Variants in PLPP4 observed in about 807,000 individuals in gnomAD.
PLPP4 encodes diacylglycerol pyrophosphate like 2.
PLPP4 carries 20 observed loss-of-function variants against 32.2 expected under a neutral mutation model. That is an observed-to-expected ratio of 0.62 (90% CI 0.44 to 0.90). The LOEUF (loss-of-function observed/expected upper bound fraction) is 0.90. Ranked by LOEUF, PLPP4 falls within the 40% of genes least tolerant of loss-of-function variation. The pLI is 0.00. For missense variants in PLPP4, 257 were observed against 353.1 expected (o/e 0.73, Z 2.18); for synonymous variants, 127 against 133.0 (o/e 0.95, Z 0.31).
chr10:120,525,068 C>A (rs767493810), intron 5 of PLPP4, among the ~76,000 whole-genome samples: 16 of 152,190 alleles, frequency 1.1e-4, no homozygotes, highest in Admixed American at 5.2e-4. Flanking sequence ...TGGACCAAGT[C>A]CAGTGGCTGC....
intron 1 of PLPP4, among the ~76,000 whole-genome samples, chr10:120,495,776 G>C (rs892491709): frequency 2.6e-5 from 4 of 152,130 alleles, no homozygotes; most frequent in Non-Finnish European, 5.9e-5. Flanking sequence ...CTACCCTCGG[G>C]TGGGGCTTAA....
In PLPP4 at chr10:120,589,416, C is replaced by T; in HGVS notation, c.730C>T (p.Pro244Ser). ...CHKPYVSLRV[P>S]ASLKKEERPT... ...TAAACCCTACGTTAGTCTGCGAGTCCCAGCCTCACTGAAGAAAGAGGAGAG... is the reference window on the plus strand; with the variant it reads ...TAAACCCTACGTTAGTCTGCGAGTCTCAGCCTCACTGAAGAAAGAGGAGAG... Residue 244 changes from proline to serine, a missense_variant, in exon 7 of 7, where the codon CCA becomes TCA. Pro to Ser is a moderately conservative substitution (Grantham distance 74). Transcript: ENST00000398250. 1 of 1,614,148 alleles carries T rather than the reference C, an allele frequency of 6.2e-7. No individual in the cohort carries two copies. The highest frequency in any genetic ancestry group is 8.5e-7 in the Non-Finnish European group (1 of 1,180,034).
intron 5 of PLPP4, among the ~76,000 whole-genome samples, chr10:120,569,273 G>T (rs941012162): frequency 5.3e-5 from 8 of 150,862 alleles, no homozygotes; most frequent in African/African-American, 1.9e-4. Context: ...CTCCTCTGCT[G>T]CTACTTTCCC....
chr10:120,472,583 A>G (rs6585631), intron 1 of PLPP4, among the ~76,000 whole-genome samples: 97,753 of 151,876 alleles, frequency 0.64, 34,350 homozygotes, highest in Admixed American at 0.78. Flanking sequence ...TATTTTTCCC[A>G]TTTCTTTTCA....
chr10:120,508,685 A>G (rs577707528), intron 2 of PLPP4, among the ~76,000 whole-genome samples: 31 of 152,170 alleles, frequency 2.0e-4, no homozygotes, highest in African/African-American at 7.2e-4. Context: ...GTGTTGATTC[A>G]TGGGTGGATG....
intron 1 of PLPP4, among the ~76,000 whole-genome samples, chr10:120,478,962 C>T (rs1476801542): frequency 2.0e-5 from 3 of 152,220 alleles, no homozygotes; most frequent in Non-Finnish European, 2.9e-5. Context: ...CGCAGTGGCT[C>T]ACGCCTGTAA....
intron 5 of PLPP4, among the ~76,000 whole-genome samples, chr10:120,560,194 G>A (rs1303616344): frequency 6.6e-6 from 1 of 152,166 alleles, no homozygotes; most frequent in Non-Finnish European, 1.5e-5. Flanking sequence ...TGCTGGAAGT[G>A]CTCCCGAGAA....
intron 5 of PLPP4, among the ~76,000 whole-genome samples, chr10:120,562,005 G>T (rs1848459247): frequency 6.6e-6 from 1 of 152,164 alleles, no homozygotes; most frequent in South Asian, 2.1e-4. Context: ...CCCTTACTAA[G>T]ATTTTGATTG....
chr10:120,478,773 C>T (rs1029550571), intron 1 of PLPP4, among the ~76,000 whole-genome samples: 1 of 152,220 alleles, frequency 6.6e-6, no homozygotes, highest in Non-Finnish European at 1.5e-5. Flanking sequence ...CAACACACTC[C>T]ATTAAATGAA....
intron 1 of PLPP4, among the ~76,000 whole-genome samples, chr10:120,492,241 T>G (rs1844755219): frequency 6.6e-6 from 1 of 152,178 alleles, no homozygotes; most frequent in Admixed American, 6.5e-5. Context: ...GTTCAGACAA[T>G]GAAAATATTT....
intron 1 of PLPP4, among the ~76,000 whole-genome samples, chr10:120,476,566 G>A (rs962526009): frequency 2.0e-4 from 30 of 152,152 alleles, no homozygotes; most frequent in Admixed American, 6.5e-4. Context: ...GTTGGGTGGG[G>A]TGATACTTTG....
intron 3 of PLPP4, among the ~76,000 whole-genome samples, chr10:120,518,525 C>G (rs1408514350): frequency 6.6e-6 from 1 of 152,104 alleles, no homozygotes; most frequent in East Asian, 1.9e-4. Flanking sequence ...GGTATTAAAT[C>G]TGTTCATATC....
At chr10:120,512,832 A>T (rs1845785613) in intron 2 of PLPP4, among the ~76,000 whole-genome samples, 1 of 152,164 alleles carries the variant, frequency 6.6e-6, no homozygotes, top group African/African-American at 2.4e-5. Context: ...AAATACATTT[A>T]AAAAAGAAGA....
chr10:120,514,402 C>A (rs1249714251), intron 3 of PLPP4, among the ~76,000 whole-genome samples: 1 of 152,170 alleles, frequency 6.6e-6, no homozygotes, highest in Non-Finnish European at 1.5e-5. Context: ...ACCACAGACT[C>A]CTCGACCAAA....
chr10:120,479,052 C>A (rs912506230), intron 1 of PLPP4, among the ~76,000 whole-genome samples: 4 of 152,236 alleles, frequency 2.6e-5, no homozygotes, highest in East Asian at 3.9e-4. Flanking sequence ...TGGTGAAACC[C>A]CATCTCTACT....
In PLPP4 at chr10:120,590,197, T is replaced by C. The variant is rs1207589183; in HGVS notation, c.*695T>C. 6.6e-6 allele frequency among the ~76,000 whole-genome samples: 1 copy of C among 152,206 alleles called. No individual in the cohort carries two copies. Among genetic ancestry groups the C allele is most frequent in the Non-Finnish European group, 1.5e-5 (1 of 68,028 alleles). ...GTTGCCTGAGGGTTCATGGGCACAA[T>C]ATCCTTCCCATCTTCCAGTCTAAGT... is the stretch of plus-strand genomic sequence containing the variant. On this transcript the variant is annotated 3_prime_UTR_variant, in exon 7 of 7. Transcript: ENST00000398250.
chr10:120,457,494 T>G, intron 1 of PLPP4, 133 bp downstream of exon 1: 1 of 682,258 alleles, frequency 1.5e-6, no homozygotes, highest in Non-Finnish European at 2.3e-6. Flanking sequence ...CCCCGCCAAG[T>G]GCCCGCAACG....
At chr10:120,485,565 T>C (rs1174308395) in intron 1 of PLPP4, among the ~76,000 whole-genome samples, 1 of 152,238 alleles carries the variant, frequency 6.6e-6, no homozygotes, top group Non-Finnish European at 1.5e-5. Flanking sequence ...GGGGAATTCC[T>C]GTTAAGTAGA....
intron 5 of PLPP4, among the ~76,000 whole-genome samples, chr10:120,557,258 T>C (rs1253629019): frequency 2.0e-5 from 3 of 152,132 alleles, no homozygotes; most frequent in African/African-American, 7.2e-5. Context: ...TTGAAATATG[T>C]TTTGGTGTAA....
Sources: gnomAD v4.1 joint callset for allele counts (sites outside exome capture counted in the v4.1 genomes callset) on GRCh38, gnomAD v4.1.1 for gene constraint, MANE v1.5 for transcripts, NCBI Gene and HGNC (gene_info 2026-07-23, HGNC 2026-07-21) for gene names.